CACNB2: variants seen among roughly 807,000 people sequenced by gnomAD.
CACNB2 encodes voltage-dependent L-type calcium channel subunit beta-2.
In CACNB2, 42 loss-of-function variants were observed where a neutral mutation model predicts 73.3. The ratio of observed to expected loss-of-function variants is 0.57; its 90% CI spans 0.45 to 0.74. CACNB2 has a LOEUF of 0.74. CACNB2 is among the 30% of genes least tolerant of loss of function. CACNB2 has a pLI of 0.00. For synonymous variants in CACNB2, 348 were observed against 310.3 expected (o/e 1.12, Z -1.28); for missense variants, 940 against 853.0 (o/e 1.10, Z -1.27).
intron 3 of CACNB2, among the ~76,000 whole-genome samples, chr10:18,434,575 A>C (rs543654928): frequency 6.6e-6 from 1 of 152,274 alleles, no homozygotes; most frequent in South Asian, 2.1e-4. Flanking sequence ...TGATTATTAT[A>C]TTTTTTATAG....
intron 4 of CACNB2, among the ~76,000 whole-genome samples, chr10:18,499,470 C>T (rs1317611561): frequency 6.6e-6 from 1 of 151,918 alleles, no homozygotes; most frequent in African/African-American, 2.4e-5. Flanking sequence ...CAAAAATTAT[C>T]TGGGTGTAGT....
At chr10:18,504,852 C>G (rs969558012) in intron 5 of CACNB2, among the ~76,000 whole-genome samples, 1 of 152,188 alleles carries the variant, frequency 6.6e-6, no homozygotes, top group African/African-American at 2.4e-5. Context: ...ACTGTGTTGG[C>G]CAGGCTGGTC....
chr10:18,373,244 T>C (rs558511307), intron 2 of CACNB2, among the ~76,000 whole-genome samples: 1 of 152,308 alleles, frequency 6.6e-6, no homozygotes, highest in South Asian at 2.1e-4. Context: ...CTTTCATTCA[T>C]TCACTCAGCA....
At chr10:18,164,295 T>C (rs370124818) in intron 2 of CACNB2, among the ~76,000 whole-genome samples, 2 of 152,250 alleles carry the variant, frequency 1.3e-5, no homozygotes, top group East Asian at 3.9e-4. Flanking sequence ...CTAATAGACG[T>C]TTTCCCTTGC....
intron 2 of CACNB2, among the ~76,000 whole-genome samples, chr10:18,163,491 A>C (rs1185628145): frequency 6.6e-6 from 1 of 152,134 alleles, no homozygotes; most frequent in Non-Finnish European, 1.5e-5. Context: ...ATGAGGCACT[A>C]AGTCTTCGCC....
chr10:18,248,117 A>G (rs1399666294), intron 2 of CACNB2, among the ~76,000 whole-genome samples: 1 of 152,206 alleles, frequency 6.6e-6, no homozygotes, highest in Non-Finnish European at 1.5e-5. Context: ...CACAGTACCT[A>G]CCAAACTAGA....
intron 2 of CACNB2, among the ~76,000 whole-genome samples, chr10:18,160,454 A>G (rs567128167): frequency 6.6e-6 from 1 of 152,196 alleles, no homozygotes; most frequent in African/African-American, 2.4e-5. Context: ...ATTTTTATTC[A>G]TCTTCTGTTT....
intron 1 of CACNB2, chr10:18,141,235 AG>A (rs767652877): frequency 4.1e-6 from 1 of 242,696 alleles, no homozygotes; most frequent in East Asian, 1.3e-4. Context: ...GGTGGGCGGG[AG>A]GGGGCCCGCT....
At chr10:18,217,088 T>C (rs2482117) in intron 2 of CACNB2, among the ~76,000 whole-genome samples, 101,529 of 152,084 alleles carry the variant, frequency 0.67, 35,546 homozygotes, top group Non-Finnish European at 0.79. Flanking sequence ...ATGAGATGCA[T>C]TGGTGAGCAA....
chr10:18,370,213 T>C (rs1176981323), intron 2 of CACNB2, among the ~76,000 whole-genome samples: 1 of 152,242 alleles, frequency 6.6e-6, no homozygotes, highest in Non-Finnish European at 1.5e-5. Flanking sequence ...GACTCCTTTC[T>C]GTACAAAATG....
chr10:18,405,807 A>C (rs534849022), intron 3 of CACNB2, among the ~76,000 whole-genome samples: 19 of 152,204 alleles, frequency 1.2e-4, no homozygotes, highest in Non-Finnish European at 1.6e-4. Flanking sequence ...AAAATATAAA[A>C]ATTAGCTGGG....
intron 2 of CACNB2, among the ~76,000 whole-genome samples, chr10:18,271,070 C>T (rs1269631142): frequency 6.6e-6 from 1 of 152,164 alleles, no homozygotes; most frequent in East Asian, 1.9e-4. Flanking sequence ...GTGAAATTTA[C>T]TGTATACTTG....
At chr10:18,444,586 C>G (rs537894270) in intron 3 of CACNB2, among the ~76,000 whole-genome samples, 1 of 152,226 alleles carries the variant, frequency 6.6e-6, no homozygotes, top group African/African-American at 2.4e-5. Flanking sequence ...GTGCAACGTC[C>G]CACAGCTAGG....
At chr10:18,230,471 A>G (rs1161988946) in intron 2 of CACNB2, among the ~76,000 whole-genome samples, 2 of 152,188 alleles carry the variant, frequency 1.3e-5, no homozygotes, top group Admixed American at 1.3e-4. Context: ...GTCCCAGAAA[A>G]TAAAGGCATC....
chr10:18,475,149 T>A (rs2048376538), intron 3 of CACNB2, among the ~76,000 whole-genome samples: 1 of 151,274 alleles, frequency 6.6e-6, no homozygotes, highest in Non-Finnish European at 1.5e-5. Context: ...CCATGCCGTA[T>A]CTAGGTACGC....
chr10:18,227,873 A>C (rs1156282219), intron 2 of CACNB2, among the ~76,000 whole-genome samples: 1 of 152,234 alleles, frequency 6.6e-6, no homozygotes. Flanking sequence ...ATCAGAAGTC[A>C]ACATGGTGAA....
intron 2 of CACNB2, among the ~76,000 whole-genome samples, chr10:18,378,687 G>T (rs1457413698): frequency 6.6e-6 from 1 of 152,104 alleles, no homozygotes; most frequent in Non-Finnish European, 1.5e-5. Flanking sequence ...GAAGGCCAAG[G>T]CTGGAGTGAG....
chr10:18,214,451 C>T lies in CACNB2; in HGVS notation c.213+63476C>T, dbSNP rs1294883060. 2.8e-5 allele frequency among the ~76,000 whole-genome samples: 2 copies of T among 72,212 alleles called. 1 individual carries two copies. Among genetic ancestry groups the T allele is most frequent in the African/African-American group, 6.4e-5 (2 of 31,008 alleles). 47.4% of individuals were successfully genotyped at this position (72,212 alleles called of 152,430 possible). ...GACCAGCCTGGCCAACATGGTGGAACCCCATCTTTACCAAAAATATAAAAA... is the reference window on the plus strand; with the variant it reads ...GACCAGCCTGGCCAACATGGTGGAATCCCATCTTTACCAAAAATATAAAAA... On this transcript the variant is annotated intron_variant, in intron 2 of 13. Coordinates refer to ENST00000324631, the MANE Select transcript of CACNB2 (RefSeq NM_201596.3).
At chr10:18,513,101 C>CAT (rs762130268) in intron 6 of CACNB2, 5 of 114,380 alleles carry the variant, frequency 4.4e-5, no homozygotes, top group African/African-American at 1.7e-4. Context: ...TGACCATAAC[C>CAT]TTTTTTTTTT....
Sources: gnomAD v4.1 joint callset for allele counts (sites outside exome capture counted in the v4.1 genomes callset) on GRCh38, gnomAD v4.1.1 for gene constraint, MANE v1.5 for transcripts, NCBI Gene and HGNC (gene_info 2026-07-23, HGNC 2026-07-21) for gene names.